Variants in TCF20 observed in about 807,000 individuals in gnomAD.
TCF20 encodes the protein transcription factor 20.
Under a neutral mutation model 148.6 loss-of-function variants are expected in TCF20, and 3 were observed. That is an observed-to-expected ratio of 0.02 (90% confidence interval 0.01 to 0.05). The LOEUF (loss-of-function observed/expected upper bound fraction) is 0.05, where lower values mean the gene tolerates loss of function less well. Among genes scored for constraint, TCF20 ranks in the 10% least tolerant of loss-of-function variants. The pLI is 1.00. For synonymous variants in TCF20, 1,049 were observed against 909.5 expected (o/e 1.15, Z -2.76); for missense variants, 2,350 against 2,429.3 (o/e 0.97, Z 0.69).
intron 2 of TCF20, among the ~76,000 whole-genome samples, chr22:42,188,259 C>T (rs1937142085): frequency 8.0e-6 from 1 of 125,458 alleles, no homozygotes; most frequent in South Asian, 2.8e-4. Flanking sequence ...TGCCATTGTA[C>T]TCCAGCCTGG....
intron 5 of TCF20, among the ~76,000 whole-genome samples, chr22:42,168,262 G>C (rs1307044703): frequency 1.3e-5 from 2 of 152,166 alleles, no homozygotes; most frequent in Admixed American, 1.3e-4. Context: ...TCTGAGACGG[G>C]GGAAAGAGCA....
At chr22:42,215,640 T>A (rs1921691194) in intron 1 of TCF20, among the ~76,000 whole-genome samples, 1 of 151,996 alleles carries the variant, frequency 6.6e-6, no homozygotes, top group Non-Finnish European at 1.5e-5. Context: ...CTCGGCTAAT[T>A]TTTTGTATTT....
At chr22:42,302,193 G>C (rs1296564558) in intron 1 of TCF20, among the ~76,000 whole-genome samples, 1 of 152,178 alleles carries the variant, frequency 6.6e-6, no homozygotes, top group East Asian at 1.9e-4. Context: ...CGGGTGTTGA[G>C]TCCCCTTCTC....
intron 2 of TCF20, among the ~76,000 whole-genome samples, chr22:42,195,376 A>G (rs1282626710): frequency 3.3e-5 from 5 of 151,922 alleles, no homozygotes; most frequent in Non-Finnish European, 7.4e-5. Flanking sequence ...TTTTTCCCCA[A>G]AACTATAACA....
intron 1 of TCF20, among the ~76,000 whole-genome samples, chr22:42,260,994 C>A (rs535522681): frequency 1.6e-4 from 25 of 152,284 alleles, no homozygotes; most frequent in Admixed American, 1.4e-3. Context: ...CTAAAAAGTT[C>A]CCTCACATCT....
intron 3 of TCF20, among the ~76,000 whole-genome samples, chr22:42,173,089 AAGT>A (rs1315927270): frequency 1.3e-5 from 2 of 151,922 alleles, no homozygotes; most frequent in Non-Finnish European, 2.9e-5. Context: ...GAGCTGCAGA[AAGT>A]AGAATTCCCA....
Position 42,208,463 on chromosome 22 carries a change from C to CA in TCF20, c.5655+1187dup, listed in dbSNP as rs547485652. On this transcript the variant is annotated intron_variant, in intron 2 of 5. Transcript: ENST00000677622. ...GCAACACAGTGAGACCTTGTTTCTG[C>CA]AAAAAATATAAATATTAGCTGGGCA... Among the ~76,000 whole-genome samples the CA allele has an allele frequency of 3.1e-3, 479 of 152,082 alleles. 2 individuals are homozygous for CA. The highest frequency in any genetic ancestry group is 5.6e-3 in the Non-Finnish European group (380 of 67,992).
chr22:42,248,001 G>A (rs1344935605), intron 1 of TCF20, among the ~76,000 whole-genome samples: 3 of 152,164 alleles, frequency 2.0e-5, no homozygotes, highest in African/African-American at 7.2e-5. Flanking sequence ...CAAATATGTT[G>A]GCTCCTACTG....
intron 1 of TCF20, among the ~76,000 whole-genome samples, chr22:42,276,118 A>G (rs762995): frequency 0.46 from 70,317 of 152,042 alleles, 16,940 homozygotes; most frequent in South Asian, 0.58. Context: ...ACGGGAAGGC[A>G]GTGCCACATG....
chr22:42,195,679 T>C (rs1259064729), intron 2 of TCF20, among the ~76,000 whole-genome samples: 1 of 152,058 alleles, frequency 6.6e-6, no homozygotes, highest in Non-Finnish European at 1.5e-5. Context: ...TCTGTATTTT[T>C]AGTAGAGATG....
At chr22:42,186,131 C>A (rs1373065360) in intron 2 of TCF20, among the ~76,000 whole-genome samples, 2 of 152,180 alleles carry the variant, frequency 1.3e-5, no homozygotes, top group East Asian at 3.8e-4. Flanking sequence ...TGGCTAAGGG[C>A]TAATTGTGTG....
At chr22:42,163,272 G>A (rs573853223) in intron 5 of TCF20, among the ~76,000 whole-genome samples, 1 of 152,290 alleles carries the variant, frequency 6.6e-6, no homozygotes, top group Non-Finnish European at 1.5e-5. Flanking sequence ...TGCTACTTGT[G>A]GGCCCCTCCC....
At chr22:42,182,970 C>G (rs563657470) in intron 2 of TCF20, among the ~76,000 whole-genome samples, 33 of 152,350 alleles carry the variant, frequency 2.2e-4, no homozygotes, top group Middle Eastern at 3.4e-3. Flanking sequence ...CTTCTGACCT[C>G]AAGTGATCCA....
Position 42,160,951 on chromosome 22 carries a change from T to C in TCF20, c.*452A>G, listed in dbSNP as rs553858529. The C allele has an allele frequency of 7.2e-5, 12 of 166,460 alleles. No homozygotes were observed. The East Asian group carries it at 1.9e-3, about 27-fold the overall frequency. 10.3% of individuals were successfully genotyped at this position (166,460 alleles called of 1,614,324 possible). ...TCTCACATTTAAATTTCACTTGTCA[T>C]CGGAACAAATTTGGAGATCTTTAAC... On this transcript the variant is annotated 3_prime_UTR_variant, in exon 6 of 6. Transcript: ENST00000677622.
chr22:42,244,429 C>T (rs559626659), intron 1 of TCF20, among the ~76,000 whole-genome samples: 1 of 152,182 alleles, frequency 6.6e-6, no homozygotes, highest in African/African-American at 2.4e-5. Flanking sequence ...GTGGTATATA[C>T]ATAAAACTGA....
chr22:42,281,275 G>C (rs772855212), intron 1 of TCF20, among the ~76,000 whole-genome samples: 2 of 152,202 alleles, frequency 1.3e-5, no homozygotes, highest in Non-Finnish European at 2.9e-5. Context: ...CCTGAGAGAG[G>C]CTGGCTTGGG....
intron 2 of TCF20, among the ~76,000 whole-genome samples, chr22:42,187,516 C>A (rs1162717188): frequency 6.6e-6 from 1 of 152,168 alleles, no homozygotes; most frequent in Non-Finnish European, 1.5e-5. Flanking sequence ...TGGTACAAAA[C>A]GCACAGAAAG....
intron 2 of TCF20, among the ~76,000 whole-genome samples, chr22:42,191,850 G>A (rs1224249697): frequency 1.3e-5 from 2 of 152,178 alleles, no homozygotes; most frequent in Non-Finnish European, 2.9e-5. Context: ...CTGAGAAAAG[G>A]CTGAACCCAG....
Position 42,338,415 on chromosome 22 carries a change from T to G in TCF20, c.-37+5064A>C, listed in dbSNP as rs916093672. Among the ~76,000 whole-genome samples, 1 of 46,790 alleles carries G rather than the reference T, an allele frequency of 2.1e-5. No homozygotes were observed. Among genetic ancestry groups the G allele is most frequent in the African/African-American group, 9.6e-5 (1 of 10,464 alleles). 30.7% of individuals were successfully genotyped at this position (46,790 alleles called of 152,430 possible). ...ACAAAGCTTAAATGGCAGCGCAGAG[T>G]CGGGAGGGGGGTGCCCAGGGGGCCT... On this transcript the variant is annotated intron_variant, in intron 1 of 1. Transcript: ENST00000515426. The surrounding 1 kb of genome is among the most constrained non-coding windows in gnomAD (Gnocchi z 4.0).
Sources: gnomAD v4.1 joint callset for allele counts (sites outside exome capture counted in the v4.1 genomes callset) on GRCh38, gnomAD v4.1.1 for gene constraint, Gnocchi (gnomAD v3.1) non-coding constraint, MANE v1.5 for transcripts, NCBI Gene and HGNC (gene_info 2026-07-23, HGNC 2026-07-21) for gene names.